The following HDAC4 variants were observed in gnomAD, a reference collection of about 807,000 sequenced individuals.
HDAC4 encodes histone deacetylase A.
In HDAC4, 16 loss-of-function variants were observed where a neutral mutation model predicts 135.1. The ratio of observed to expected loss-of-function variants is 0.12; its 90% CI spans 0.08 to 0.18. HDAC4 has a LOEUF of 0.18. HDAC4 is among the 10% of genes least tolerant of loss of function. The probability of loss-of-function intolerance (pLI) is 1.00; values close to 1 mark genes in which losing one functional copy is unlikely to be tolerated. For missense variants in HDAC4, 1,143 were observed against 1,511.8 expected (o/e 0.76, Z 4.05); for synonymous variants, 685 against 653.4 (o/e 1.05, Z -0.74).
intron 2 of HDAC4, among the ~76,000 whole-genome samples, chr2:239,302,614 A>G (rs1306408523): frequency 1.3e-5 from 2 of 152,250 alleles, no homozygotes; most frequent in African/African-American, 4.8e-5. Context: ...CAGCCCAGCC[A>G]TCCAGTGACT....
At chr2:239,080,640 A>C (rs1039254150) in intron 22 of HDAC4, among the ~76,000 whole-genome samples, 3 of 152,228 alleles carry the variant, frequency 2.0e-5, no homozygotes, top group African/African-American at 7.2e-5. Context: ...ACACGAAGGA[A>C]ATGGGAGGGA....
chr2:239,105,778 C>T (rs1018803257), intron 15 of HDAC4, among the ~76,000 whole-genome samples: 3 of 152,186 alleles, frequency 2.0e-5, no homozygotes, highest in Admixed American at 6.5e-5. Flanking sequence ...CTTCTCCTAT[C>T]GGGTACCCAC....
At chr2:239,057,769 T>C (rs1256891395) in intron 24 of HDAC4, among the ~76,000 whole-genome samples, 1 of 152,222 alleles carries the variant, frequency 6.6e-6, no homozygotes, top group African/African-American at 2.4e-5. Flanking sequence ...CTAGTGGATG[T>C]ATTATACTTA....
At chr2:239,191,213 G>A (rs2044926849) in intron 3 of HDAC4, among the ~76,000 whole-genome samples, 1 of 152,190 alleles carries the variant, frequency 6.6e-6, no homozygotes, top group East Asian at 1.9e-4. Flanking sequence ...GGGGTGTCTG[G>A]GCCAACAAGA....
intron 2 of HDAC4, among the ~76,000 whole-genome samples, chr2:239,260,128 AAGAC>A (rs1394357670): frequency 6.6e-6 from 1 of 152,216 alleles, no homozygotes; most frequent in Non-Finnish European, 1.5e-5. Flanking sequence ...GTTCAGCTGA[AAGAC>A]AGAGGTTGGG....
chr2:239,221,609 GACACACACACACACAC>G (rs3838519), intron 3 of HDAC4, among the ~76,000 whole-genome samples: 1,965 of 148,216 alleles, frequency 0.013, 20 homozygotes, highest in Non-Finnish European at 0.017. Flanking sequence ...CTGAGAGTGG[GACACACACACACACAC>G]ACACACACAC....
intron 7 of HDAC4, chr2:239,155,057 C>A (rs1377918673): frequency 6.6e-6 from 1 of 152,610 alleles, no homozygotes; most frequent in Non-Finnish European, 1.5e-5. Context: ...TTATGACCCA[C>A]TCCTCCAGGG....
intron 9 of HDAC4, among the ~76,000 whole-genome samples, chr2:239,137,151 A>C (rs2041019975): frequency 6.6e-6 from 1 of 152,134 alleles, no homozygotes; most frequent in Non-Finnish European, 1.5e-5. Flanking sequence ...GCTTCTGAGA[A>C]TTTGTTCCTT....
chr2:239,168,400 CAG>C (rs1457604598), intron 5 of HDAC4, among the ~76,000 whole-genome samples: 1 of 152,184 alleles, frequency 6.6e-6, no homozygotes, highest in Non-Finnish European at 1.5e-5. Flanking sequence ...TGGTTAAAGA[CAG>C]TGTGTTCTTG....
chr2:239,122,139 G>T (rs1010784752), intron 12 of HDAC4, among the ~76,000 whole-genome samples: 1 of 152,156 alleles, frequency 6.6e-6, no homozygotes, highest in African/African-American at 2.4e-5. Context: ...CTCGTAATTA[G>T]ACCACCCAAA....
intron 2 of HDAC4, among the ~76,000 whole-genome samples, chr2:239,281,943 AAAC>A (rs1245391944): frequency 6.8e-6 from 1 of 146,746 alleles, no homozygotes; most frequent in African/African-American, 2.5e-5. Context: ...ACCACTCTGC[AAAC>A]AATGTACACA....
At chr2:239,063,144 G>T (rs2033005452) in intron 24 of HDAC4, among the ~76,000 whole-genome samples, 1 of 152,120 alleles carries the variant, frequency 6.6e-6, no homozygotes, top group African/African-American at 2.4e-5. Flanking sequence ...CTCTGTAGTG[G>T]GTCATGGAAC....
intron 22 of HDAC4, among the ~76,000 whole-genome samples, chr2:239,080,734 G>A (rs905689506): frequency 7.2e-5 from 11 of 152,202 alleles, no homozygotes; most frequent in African/African-American, 2.2e-4. Flanking sequence ...GGAGGTTTGC[G>A]GAAGAAGAAT....
chr2:239,096,677 C>T (rs1344703918), intron 16 of HDAC4, among the ~76,000 whole-genome samples: 3 of 66,036 alleles, frequency 4.5e-5, no homozygotes, highest in South Asian at 8.1e-4. Flanking sequence ...CCCCCATGGA[C>T]GCCAGCACCC....
At chr2:239,241,122 C>T (rs1281714789) in intron 2 of HDAC4, among the ~76,000 whole-genome samples, 3 of 152,124 alleles carry the variant, frequency 2.0e-5, no homozygotes, top group Non-Finnish European at 4.4e-5. Context: ...TGAAGCTGGA[C>T]CTTGAGCAAA....
chr2:239,096,942 G>GGGCAGGA (rs1313280259), intron 16 of HDAC4, among the ~76,000 whole-genome samples: 4 of 152,192 alleles, frequency 2.6e-5, no homozygotes, highest in East Asian at 1.9e-4. Context: ...ACAGGGAGCA[G>GGGCAGGA]GGCAGGAGGC....
At position 239,262,959 on chromosome 2, in the gene HDAC4, G is replaced by T. The variant is rs546840652; in HGVS notation, c.23-26295C>A. Among the ~76,000 whole-genome samples, 1 of 152,012 alleles carries T rather than the reference G, an allele frequency of 6.6e-6. No homozygotes were observed. Among genetic ancestry groups the T allele is most frequent in the East Asian group, 1.9e-4 (1 of 5,142 alleles). ...CTTCTGTGCTTCACGAAAGATCTAC[G>T]CGTGAAGCCCCCGGGAAGCCAAGCC... On this transcript the variant is annotated intron_variant, in intron 2 of 26. Transcript: ENST00000543185. This position sits in a 1 kb window ranked among gnomAD's most constrained non-coding sequence, Gnocchi z 4.1.
In HDAC4 at chr2:239,314,329, C is replaced by T. The variant is rs578060710; in HGVS notation, c.22+38349G>A. Among the ~76,000 whole-genome samples the T allele has an allele frequency of 1.3e-4, 20 of 152,302 alleles. No homozygotes were observed. The South Asian group carries it at 4.1e-3, about 32-fold the overall frequency. On this transcript the variant is annotated intron_variant, in intron 2 of 26. Transcript: ENST00000543185. ...ACTGACCCAAAACACATACGAAGGA[C>T]ACTCGACAAAACAAGAGAGGTCATC...
chr2:239,084,118 C>T lies in HDAC4; in HGVS notation c.2532+37G>A, dbSNP rs766843973. 1.1e-5 allele frequency: 17 copies of T among 1,503,654 alleles called. 1 individual carries two copies. The highest frequency in any genetic ancestry group is 6.9e-5 in the Admixed American group (4 of 58,308). 93.1% of individuals were successfully genotyped at this position (1,503,654 alleles called of 1,614,324 possible). A position where few individuals can be genotyped will look rare whatever the true frequency, so the allele number is the denominator to read the frequency against. ...TGTCCGCTCGGGGACGGCAAAGGAG[C>T]AACCTGAGCTGCGCTGGCCAAGGCG... On this transcript the variant is annotated intron_variant, in intron 20 of 26. Coordinates refer to ENST00000543185, the MANE Select transcript of HDAC4 (RefSeq NM_001378414.1).
Sources: allele counts gnomAD v4.1 joint callset (sites outside exome capture counted in the v4.1 genomes callset), GRCh38; gene constraint gnomAD v4.1.1; non-coding constraint Gnocchi (gnomAD v3.1); transcripts MANE v1.5; gene names NCBI Gene and HGNC (gene_info 2026-07-23, HGNC 2026-07-21).